Variants in HDAC5 observed in about 807,000 individuals in gnomAD.
HDAC5 encodes the protein antigen NY-CO-9.
Under a neutral mutation model 133.3 loss-of-function variants are expected in HDAC5, and 25 were observed. The ratio of observed to expected loss-of-function variants is 0.19; its 90% CI spans 0.14 to 0.26. HDAC5 has a LOEUF of 0.26. Among genes scored for constraint, HDAC5 ranks in the 10% least tolerant of loss-of-function variants. The pLI is 1.00. For missense variants in HDAC5, 1,041 were observed against 1,460.5 expected (o/e 0.71, Z 4.68); for synonymous variants, 589 against 610.8 (o/e 0.96, Z 0.53).
intron 26 of HDAC5, 40 bp from the exon 27 acceptor site, chr17:44,078,455 A>T (rs1404269711): frequency 6.4e-7 from 1 of 1,572,546 alleles, no homozygotes. Flanking sequence ...AGTGGGGCGC[A>T]CCAGCAGGGG....
chr17:44,078,033 C>T lies in HDAC5; in HGVS notation c.*343G>A, dbSNP rs1597917467. Reference sequence around the variant, plus strand: ...GCACCGACTTCCCGTTCCCTCCTCACTCGGGGGGCCCCAGAACTGGAGAGT... The same window carrying T: ...GCACCGACTTCCCGTTCCCTCCTCATTCGGGGGGCCCCAGAACTGGAGAGT... On this transcript the variant is annotated 3_prime_UTR_variant, in exon 27 of 27. Transcript: ENST00000682912. 4.1e-6 allele frequency: 1 copy of T among 241,646 alleles called. No individual in the cohort carries two copies. Among genetic ancestry groups the T allele is most frequent in the East Asian group, 7.6e-5 (1 of 13,106 alleles). 15.0% of individuals were successfully genotyped at this position (241,646 alleles called of 1,614,324 possible).
chr17:44,091,861 A>T, intron 9 of HDAC5, 30 bp from the exon 10 acceptor site: 1 of 1,525,108 alleles, frequency 6.6e-7, no homozygotes, highest in Non-Finnish European at 8.8e-7. Flanking sequence ...GACAGGCATG[A>T]GAGTGCACAA....
intron 3 of HDAC5, among the ~76,000 whole-genome samples, chr17:44,096,184 A>G (rs1322910369): frequency 1.3e-5 from 2 of 152,294 alleles, no homozygotes; most frequent in East Asian, 3.9e-4. Context: ...ACTGCCTGGG[A>G]AGGCGGAAGT....
intron 3 of HDAC5, among the ~76,000 whole-genome samples, chr17:44,098,285 C>A (rs1242860416): frequency 2.6e-5 from 4 of 152,240 alleles, no homozygotes; most frequent in Non-Finnish European, 5.9e-5. Context: ...CAGTTGCCAT[C>A]AGCACCAAGC....
intron 1 of HDAC5, among the ~76,000 whole-genome samples, chr17:44,121,052 G>A (rs1280260815): frequency 2.7e-5 from 4 of 146,792 alleles, no homozygotes; most frequent in Non-Finnish European, 4.5e-5. Context: ...CTGCTCAGAC[G>A]CAGCTCCAGG....
At chr17:44,097,139 G>A (rs2051322390) in intron 3 of HDAC5, among the ~76,000 whole-genome samples, 1 of 152,258 alleles carries the variant, frequency 6.6e-6, no homozygotes, top group South Asian at 2.1e-4. Context: ...ACCTAGCACT[G>A]AATGGGTGTC....
At chr17:44,122,412 T>A (rs1477227926) in intron 1 of HDAC5, among the ~76,000 whole-genome samples, 2 of 151,820 alleles carry the variant, frequency 1.3e-5, no homozygotes, top group African/African-American at 2.4e-5. Flanking sequence ...CCCCTCCCAG[T>A]TGGACACTGA....
intron 1 of HDAC5, among the ~76,000 whole-genome samples, chr17:44,122,372 C>A (rs2053064536): frequency 6.6e-6 from 1 of 152,106 alleles, no homozygotes; most frequent in Admixed American, 6.5e-5. Flanking sequence ...CCCCCCACCT[C>A]CTTTTGTTCC....
chr17:44,117,930 A>C lies in HDAC5; in HGVS notation c.-189-226T>G, dbSNP rs1375908859. ...GGATAGGAAATGGCTATGGTGGCCA[A>C]ACCCAACAGACCCCTTTTCAGGTGA... On this transcript the variant is annotated intron_variant, in intron 1 of 26. Transcript: ENST00000682912. The surrounding 1 kb of genome is among the most constrained non-coding windows in gnomAD (Gnocchi z 4.2). Among the ~76,000 whole-genome samples, 3 of 152,174 alleles carry C rather than the reference A, an allele frequency of 2.0e-5. No homozygotes were observed. Among genetic ancestry groups the C allele is most frequent in the Non-Finnish European group, 1.5e-5 (1 of 68,018 alleles).
intron 3 of HDAC5, among the ~76,000 whole-genome samples, chr17:44,106,099 ACAG>A (rs1368224011): frequency 6.6e-6 from 1 of 152,152 alleles, no homozygotes; most frequent in Non-Finnish European, 1.5e-5. Flanking sequence ...GACAGCTGTT[ACAG>A]CTGTGTGCAT....
rs2052271808 is a variant in HDAC5 at position 44,110,590 on chromosome 17, C to T, written c.94+139G>A. 4.4e-6 allele frequency: 3 copies of T among 688,342 alleles called. No individual in the cohort carries two copies. The South Asian group carries it at 5.1e-5, about 12-fold the overall frequency. The allele number at this position is 688,342 out of a possible 1,614,324, so 42.6% of individuals were successfully genotyped here. ...GGGGCCTCTCTGAGCAGGGATCCCC[C>T]AGCCCTGTGTATTCTCAACAAAACT... is the stretch of plus-strand genomic sequence containing the variant. On this transcript the variant is annotated intron_variant, in intron 3 of 26. Transcript: ENST00000682912.
chr17:44,113,652 C>T (rs1238038757), intron 2 of HDAC5, among the ~76,000 whole-genome samples: 1 of 152,140 alleles, frequency 6.6e-6, no homozygotes, highest in Non-Finnish European at 1.5e-5. Flanking sequence ...GGTACATGAG[C>T]TTCACCCAGA....
At chr17:44,111,347 G>T (rs373306124) in intron 2 of HDAC5, 200 of 330,470 alleles carry the variant, frequency 6.1e-4, no homozygotes, top group African/African-American at 1.5e-3. Flanking sequence ...GGCCCCATGG[G>T]GGGGGAGGCG....
At chr17:44,104,616 T>G (rs2051821079) in intron 3 of HDAC5, among the ~76,000 whole-genome samples, 1 of 152,198 alleles carries the variant, frequency 6.6e-6, no homozygotes, top group African/African-American at 2.4e-5. Flanking sequence ...TTCCAGGCCA[T>G]CTCACCTGCC....
chr17:44,096,562 C>T (rs540296497), intron 3 of HDAC5, among the ~76,000 whole-genome samples: 1 of 151,870 alleles, frequency 6.6e-6, no homozygotes, highest in South Asian at 2.1e-4. Context: ...CAACCTCTGC[C>T]TCCTGGGTTC....
chr17:44,111,680 G>T (rs951077904), intron 2 of HDAC5: 2 of 516,904 alleles, frequency 3.9e-6, no homozygotes, highest in Non-Finnish European at 7.7e-6. Context: ...CTTAACTTCT[G>T]CCCTCCCACA....
intron 2 of HDAC5, among the ~76,000 whole-genome samples, chr17:44,113,466 G>T (rs1271889922): frequency 6.6e-6 from 1 of 152,172 alleles, no homozygotes; most frequent in African/African-American, 2.4e-5. Context: ...CTGGGATGGG[G>T]ACAAATGTCT....
At chr17:44,087,267 C>A in intron 13 of HDAC5, 145 bp downstream of exon 13, 1 of 597,136 alleles carries the variant, frequency 1.7e-6, no homozygotes. Context: ...GCCTCCTTCC[C>A]ACTCCCCTTT....
chr17:44,111,271 T>C (rs1011450739), intron 2 of HDAC5: 7 of 295,940 alleles, frequency 2.4e-5, no homozygotes, highest in Non-Finnish European at 4.1e-5. Flanking sequence ...GAAATAGCAG[T>C]TGGGGGAGGG....
Sources: gnomAD v4.1 joint callset for allele counts (sites outside exome capture counted in the v4.1 genomes callset) on GRCh38, gnomAD v4.1.1 for gene constraint, Gnocchi (gnomAD v3.1) non-coding constraint, MANE v1.5 for transcripts, NCBI Gene and HGNC (gene_info 2026-07-23, HGNC 2026-07-21) for gene names.